The following UNC79 variants were observed in gnomAD, a reference collection of about 807,000 sequenced individuals.
The protein encoded by UNC79 is protein unc-79 homolog.
UNC79 carries 37 observed loss-of-function variants against 283.1 expected under a neutral mutation model. That is an observed-to-expected ratio of 0.13 (90% CI 0.10 to 0.17). UNC79 has a LOEUF of 0.17. Among genes scored for constraint, UNC79 ranks in the 10% least tolerant of loss-of-function variants. UNC79 has a pLI of 1.00. For missense variants in UNC79, 2,272 were observed against 3,211.1 expected, an observed-to-expected ratio of 0.71 and a Z score of 7.07; for synonymous variants, 1,107 against 1,200.2, an observed-to-expected ratio of 0.92 and a Z score of 1.61.
At chr14:93,351,565 T>C (rs1290959006) in intron 1 of UNC79, among the ~76,000 whole-genome samples, 1 of 152,196 alleles carries the variant, frequency 6.6e-6, no homozygotes, top group African/African-American at 2.4e-5. Context: ...TTACAGGTCT[T>C]AGAGGGCTAA....
intron 1 of UNC79, among the ~76,000 whole-genome samples, chr14:93,453,794 A>G (rs1055821017): frequency 1.4e-4 from 22 of 152,328 alleles, no homozygotes; most frequent in African/African-American, 5.1e-4. Context: ...AAATTGTTAC[A>G]TATCCAACAT....
chr14:93,564,580 G>A (rs993519397), intron 14 of UNC79, among the ~76,000 whole-genome samples: 4 of 152,204 alleles, frequency 2.6e-5, no homozygotes, highest in African/African-American at 4.8e-5. Flanking sequence ...AATTTCACAC[G>A]CGTCCATGTG....
At chr14:93,634,379 T>G (rs887105414) in intron 31 of UNC79, 142 bp from the exon 34 acceptor site, 22 of 615,252 alleles carry the variant, frequency 3.6e-5, no homozygotes, top group Admixed American at 1.4e-4. Context: ...ACCTTAATTT[T>G]TCATTTGAAC....
intron 1 of UNC79, among the ~76,000 whole-genome samples, chr14:93,384,722 C>A (rs1231972598): frequency 2.6e-5 from 4 of 152,048 alleles, no homozygotes; most frequent in Non-Finnish European, 5.9e-5. Context: ...CTCATTTGTC[C>A]ATTTTTGCCT....
At chr14:93,334,398 T>C (rs2053528811) in intron 1 of UNC79, 1 of 152,212 alleles carries the variant, frequency 6.6e-6, no homozygotes, top group Non-Finnish European at 1.5e-5. Context: ...TTGCCTGAAA[T>C]TCCCCTCTAG....
At chr14:93,624,971 G>A (rs1566805808) in intron 30 of UNC79, among the ~76,000 whole-genome samples, 2 of 152,128 alleles carry the variant, frequency 1.3e-5, no homozygotes, top group South Asian at 2.1e-4. Context: ...CTAGAGTACT[G>A]GGTCGTCCTC....
At chr14:93,486,754 G>T (rs979954373) in intron 4 of UNC79, among the ~76,000 whole-genome samples, 3 of 151,912 alleles carry the variant, frequency 2.0e-5, no homozygotes, top group Admixed American at 6.6e-5. Context: ...TACTTAAAGG[G>T]GTGACTGGAT....
intron 14 of UNC79, among the ~76,000 whole-genome samples, chr14:93,557,575 A>G (rs2062244954): frequency 6.6e-6 from 1 of 152,218 alleles, no homozygotes; most frequent in Non-Finnish European, 1.5e-5. Flanking sequence ...CAGAGAAAGG[A>G]AAATTCTAGA....
intron 47 of UNC79, among the ~76,000 whole-genome samples, chr14:93,704,413 A>G (rs1468657126): frequency 6.6e-6 from 1 of 152,178 alleles, no homozygotes; most frequent in East Asian, 1.9e-4. Flanking sequence ...TCAGGCACTC[A>G]TGGGGCGCTT....
chr14:93,673,703 A>G (rs774438613), intron 41 of UNC79, among the ~76,000 whole-genome samples: 1 of 152,094 alleles, frequency 6.6e-6, no homozygotes, highest in Non-Finnish European at 1.5e-5. Context: ...AAAAAGAAGA[A>G]TAAAACAATA....
intron 1 of UNC79, among the ~76,000 whole-genome samples, chr14:93,401,135 G>T (rs941909089): frequency 6.6e-6 from 1 of 152,154 alleles, no homozygotes; most frequent in Admixed American, 6.6e-5. Flanking sequence ...TTGAATCTTG[G>T]CAGAGTGGTT....
chr14:93,655,269 T>C (rs1373292038), exon 38 of UNC79: 1 of 1,613,830 alleles, frequency 6.2e-7, no homozygotes, highest in African/African-American at 1.3e-5. Flanking sequence ...CAGCAGGGGG[T>C]GCTATGATTC....
intron 46 of UNC79, among the ~76,000 whole-genome samples, chr14:93,693,882 A>G (rs2074893202): frequency 6.6e-6 from 1 of 152,212 alleles, no homozygotes; most frequent in African/African-American, 2.4e-5. Flanking sequence ...AGTTTCAAAT[A>G]ATATTATTTT....
intron 1 of UNC79, among the ~76,000 whole-genome samples, chr14:93,446,655 A>G (rs1240532802): frequency 6.6e-6 from 1 of 152,154 alleles, no homozygotes; most frequent in African/African-American, 2.4e-5. Flanking sequence ...TGGTCTCCCA[A>G]AGTTCTGGGA....
Position 93,625,646 on chromosome 14 carries a change from G to A in UNC79, c.5608+2805G>A, listed in dbSNP as rs150098312. Among the ~76,000 whole-genome samples, 26 of 151,828 alleles carry A rather than the reference G, an allele frequency of 1.7e-4. No homozygotes were observed. In the South Asian group the frequency reaches 2.7e-3, roughly 16 times the overall value. ...CCATTTCTTCTCTCCCTGGACAATT[G>A]TGTATTGATCCAAGTATTTTTTTGC... On this transcript the variant is annotated intron_variant, in intron 30 of 48. Coordinates refer to ENST00000555664, the Ensembl canonical transcript of UNC79.
chr14:93,532,716 A>G, intron 11 of UNC79, 138 bp downstream of exon 11: 2 of 990,914 alleles, frequency 2.0e-6, no homozygotes, highest in Non-Finnish European at 2.9e-6. Flanking sequence ...GGTAAAGGAA[A>G]TAATTTAGCA....
chr14:93,666,609 A>G (rs1323480080), intron 40 of UNC79, among the ~76,000 whole-genome samples: 1 of 152,176 alleles, frequency 6.6e-6, no homozygotes, highest in East Asian at 1.9e-4. Flanking sequence ...CCAAATATAT[A>G]AAACAAAATA....
chr14:93,692,862 T>C (rs7359085), intron 46 of UNC79, among the ~76,000 whole-genome samples: 265 of 152,304 alleles, frequency 1.7e-3, no homozygotes, highest in African/African-American at 6.1e-3. Context: ...GGAGGAGGAC[T>C]CTCAGCTGGG....
intron 1 of UNC79, among the ~76,000 whole-genome samples, chr14:93,357,453 C>T (rs2054108162): frequency 6.6e-6 from 1 of 151,642 alleles, no homozygotes; most frequent in Admixed American, 6.6e-5. Context: ...AATCAGCTGC[C>T]AGTGTGGCCA....
Sources: allele counts gnomAD v4.1 joint callset (sites outside exome capture counted in the v4.1 genomes callset), GRCh38; gene constraint gnomAD v4.1.1; transcripts MANE v1.5; gene names NCBI Gene and HGNC (gene_info 2026-07-23, HGNC 2026-07-21).